Variants in SEC16B observed in about 807,000 individuals in gnomAD.
SEC16B encodes protein transport protein Sec16B.
In SEC16B, 115 loss-of-function variants were observed where a neutral mutation model predicts 141.8. That is an observed-to-expected ratio of 0.81 (90% CI 0.70 to 0.95). The LOEUF is 0.95. SEC16B is among the 40% of genes least tolerant of loss of function. The pLI is 0.00. For synonymous variants in SEC16B, 493 were observed against 492.5 expected (o/e 1.00, Z -0.01); for missense variants, 1,291 against 1,312.3 (o/e 0.98, Z 0.25).
At chr1:177,948,965 C>G (rs959998289) in intron 12 of SEC16B, among the ~76,000 whole-genome samples, 5 of 148,156 alleles carry the variant, frequency 3.4e-5, no homozygotes, top group African/African-American at 1.2e-4. Context: ...GGAAGCTCAG[C>G]AGAGGAAAGA....
intron 22 of SEC16B, among the ~76,000 whole-genome samples, 177 bp downstream of exon 22, chr1:177,933,036 TA>T (rs1221129958): frequency 6.6e-6 from 1 of 152,202 alleles, no homozygotes; most frequent in East Asian, 1.9e-4. Context: ...AAAGCTTTTT[TA>T]ATCTGCCTTT....
intron 5 of SEC16B, among the ~76,000 whole-genome samples, chr1:177,963,238 A>G (rs1330346221): frequency 1.3e-5 from 2 of 152,020 alleles, no homozygotes; most frequent in African/African-American, 4.8e-5. Flanking sequence ...TTAAGCACTA[A>G]GTATACAAAA....
chr1:177,933,078 T>C, intron 22 of SEC16B, 136 bp downstream of exon 22: 1 of 720,894 alleles, frequency 1.4e-6, no homozygotes, highest in Non-Finnish European at 2.3e-6. Context: ...TTTCCCACCA[T>C]ATCCCATCAC....
At chr1:177,932,641 A>G (rs560236328) in intron 23 of SEC16B, 57 bp downstream of exon 23, 1 of 1,509,126 alleles carries the variant, frequency 6.6e-7, no homozygotes, top group South Asian at 1.3e-5. Flanking sequence ...AGGCACCCCA[A>G]CCCTTGGGAG....
In SEC16B at chr1:177,961,794, G is replaced by A. The variant is rs145395768; in HGVS notation, c.643-60C>T. 6.6e-4 allele frequency: 1,008 copies of A among 1,521,986 alleles called. 6 individuals carry two copies. The African/African-American group carries it at 6.8e-3, about 10-fold the overall frequency. The allele number at this position is 1,521,986 out of a possible 1,614,324, so 94.3% of individuals were successfully genotyped here. On this transcript the variant is annotated intron_variant, in intron 5 of 25. Transcript: ENST00000308284. ...TTTCAGAGAGCTGGTCTTCTCAAGC[G>A]TTCCTTCAAAGAAACAAAATACATA...
chr1:177,961,143 G>A (rs114708003), intron 6 of SEC16B: 12,933 of 569,610 alleles, frequency 0.023, 328 homozygotes, highest in East Asian at 0.088. Flanking sequence ...AATACAATGC[G>A]TGGGCTTGAT....
At chr1:177,963,669 TAA>T (rs895827351) in intron 5 of SEC16B, among the ~76,000 whole-genome samples, 3 of 152,148 alleles carry the variant, frequency 2.0e-5, no homozygotes, top group Non-Finnish European at 4.4e-5. Flanking sequence ...TATCCTAAAA[TAA>T]AAAGTTTATT....
intron 1 of SEC16B, among the ~76,000 whole-genome samples, chr1:177,980,213 T>A (rs1281503701): frequency 2.6e-5 from 4 of 152,162 alleles, no homozygotes; most frequent in Non-Finnish European, 5.9e-5. Flanking sequence ...CTAGTGCTGA[T>A]CTAGATGTCA....
At chr1:177,961,537 C>T (rs991794583) in intron 6 of SEC16B, 53 bp downstream of exon 6, 5 of 1,554,876 alleles carry the variant, frequency 3.2e-6, no homozygotes, top group African/African-American at 2.8e-5. Context: ...GACTTGCCAC[C>T]CAGCCCTTCC....
At chr1:177,939,572 G>T in intron 18 of SEC16B, 130 bp downstream of exon 18, 2 of 741,644 alleles carry the variant, frequency 2.7e-6, no homozygotes, top group Non-Finnish European at 4.6e-6. Flanking sequence ...CTGGACAACG[G>T]GGCGGACTTA....
At chr1:177,952,368 C>A (rs932974345) in intron 11 of SEC16B, among the ~76,000 whole-genome samples, 1 of 152,194 alleles carries the variant, frequency 6.6e-6, no homozygotes, top group African/African-American at 2.4e-5. Flanking sequence ...TCGGCACCCC[C>A]CTTCTCAGCC....
At chr1:177,935,509 G>C (rs1157847303) in intron 20 of SEC16B, among the ~76,000 whole-genome samples, 1 of 152,002 alleles carries the variant, frequency 6.6e-6, no homozygotes, top group East Asian at 1.9e-4. Flanking sequence ...TGTATATACA[G>C]ATATACATAT....
intron 10 of SEC16B, among the ~76,000 whole-genome samples, chr1:177,957,354 G>T (rs1389828007): frequency 6.6e-6 from 1 of 151,554 alleles, no homozygotes; most frequent in Non-Finnish European, 1.5e-5. Context: ...GCGCTATTGG[G>T]GTATATATAA....
intron 11 of SEC16B, among the ~76,000 whole-genome samples, chr1:177,953,157 C>CTG (rs1652337190): frequency 6.6e-6 from 1 of 152,048 alleles, no homozygotes; most frequent in Non-Finnish European, 1.5e-5. Context: ...AGGTGCCAGC[C>CTG]ACCACACCTG....
At chr1:177,932,148 T>C (rs960790161) in intron 24 of SEC16B, among the ~76,000 whole-genome samples, 5 of 152,144 alleles carry the variant, frequency 3.3e-5, no homozygotes, top group African/African-American at 1.2e-4. Context: ...CTGATGTCCC[T>C]ATAAGAGGAA....
intron 1 of SEC16B, among the ~76,000 whole-genome samples, chr1:177,977,556 A>C (rs11589503): frequency 0.14 from 20,839 of 152,120 alleles, 1,783 homozygotes; most frequent in East Asian, 0.42. Flanking sequence ...TAGAAACACA[A>C]CCCAGTATTT....
chr1:177,947,772 G>GGTGAGGGGAGGGACAGGGAGGGGAT, intron 13 of SEC16B, 53 bp downstream of exon 13: 2 of 1,112,104 alleles, frequency 1.8e-6, no homozygotes, highest in Non-Finnish European at 1.3e-6. Context: ...AGGGAGGGGA[G>GGTGAGGGGAGGGACAGGGAGGGGAT]GGGAGGGAAG....
At chr1:177,978,648 G>A (rs973219978) in intron 1 of SEC16B, among the ~76,000 whole-genome samples, 17 of 151,750 alleles carry the variant, frequency 1.1e-4, no homozygotes, top group African/African-American at 3.4e-4. Context: ...AAGTTGCAGT[G>A]AACTATGATC....
At chr1:177,976,544 G>A (rs1040301333) in intron 1 of SEC16B, among the ~76,000 whole-genome samples, 1 of 152,156 alleles carries the variant, frequency 6.6e-6, no homozygotes, top group Non-Finnish European at 1.5e-5. Flanking sequence ...GTCCTACTAT[G>A]CTGGTTGTGT....
Sources: allele counts gnomAD v4.1 joint callset (sites outside exome capture counted in the v4.1 genomes callset), GRCh38; gene constraint gnomAD v4.1.1; transcripts MANE v1.5; gene names NCBI Gene and HGNC (gene_info 2026-07-23, HGNC 2026-07-21).